The following MICAL3 variants were observed in gnomAD, a reference collection of about 807,000 sequenced individuals.
MICAL3 encodes microtubule associated monooxygenase, calponin and LIM domain containing 3, also known as [F-actin]-monooxygenase MICAL3.
Under a neutral mutation model 207.4 loss-of-function variants are expected in MICAL3, and 62 were observed. That is an observed-to-expected ratio of 0.30 (90% CI 0.24 to 0.37). The LOEUF (loss-of-function observed/expected upper bound fraction) is 0.37. Among genes scored for constraint, MICAL3 ranks in the 10% least tolerant of loss-of-function variants. The pLI is 1.00. For missense variants in MICAL3, 2,368 were observed against 2,635.6 expected, an observed-to-expected ratio of 0.90 and a Z score of 2.22; for synonymous variants, 1,077 against 1,069.3, an observed-to-expected ratio of 1.01 and a Z score of -0.14.
rs751736314 is a variant in MICAL3 at position 17,865,979 on chromosome 22, C to T, written c.2462G>A (p.Arg821Gln). 15 of 1,613,938 alleles carry T rather than the reference C, an allele frequency of 9.3e-6. No individual in the cohort carries two copies. The highest frequency in any genetic ancestry group is 2.2e-5 in the East Asian group (1 of 44,878). Residue 821 changes from arginine (R) to glutamine (Q), a missense_variant, in exon 18 of 32, where the codon CGA (arginine) becomes CAA (glutamine). This residue lies in a region of MICAL3 where 1,770 missense variants were observed against 1,863.2 expected (regional missense o/e 0.95). Coordinates refer to ENST00000441493, the MANE Select transcript of MICAL3 (RefSeq NM_015241.3). ...KFYCKPHYCY[R>Q]LSGYAQRKRP... Reference sequence around the variant, plus strand: ...CTTCCTTTGTGCGTAGCCAGAGAGTCGATAGCAGTAGTGTGGCTTACAGTA... The same window carrying T: ...CTTCCTTTGTGCGTAGCCAGAGAGTTGATAGCAGTAGTGTGGCTTACAGTA...
intron 1 of MICAL3, among the ~76,000 whole-genome samples, chr22:18,019,956 G>T (rs1288140578): frequency 1.3e-5 from 2 of 151,090 alleles, no homozygotes; most frequent in Non-Finnish European, 2.9e-5. Context: ...GGGACTACAG[G>T]TGCCCGCCAC....
intron 19 of MICAL3, among the ~76,000 whole-genome samples, chr22:17,846,913 G>A (rs1166088625): frequency 2.6e-5 from 4 of 152,196 alleles, no homozygotes; most frequent in South Asian, 2.1e-4. Context: ...GCTCTGGGCC[G>A]CACCTCAGGT....
chr22:17,827,934 T>TACACACACACACACACACAC (rs60820224), intron 21 of MICAL3, among the ~76,000 whole-genome samples, 153 bp from the exon 22 acceptor site: 3 of 150,810 alleles, frequency 2.0e-5, no homozygotes, highest in Admixed American at 6.6e-5. Flanking sequence ...TGCACATGTA[T>TACACACACACACACACACAC]ACACACACAC....
chr22:17,842,723 C>T (rs540067526), intron 19 of MICAL3, among the ~76,000 whole-genome samples: 11 of 152,348 alleles, frequency 7.2e-5, no homozygotes, highest in South Asian at 2.1e-4. Flanking sequence ...TCTGAAGCCA[C>T]GGGGTGCCCT....
chr22:17,899,540 A>C lies in MICAL3; in HGVS notation c.856T>G (p.Leu286Val), dbSNP rs995893554. 4 of 1,597,952 alleles carry C rather than the reference A, an allele frequency of 2.5e-6. No individual in the cohort carries two copies. Among genetic ancestry groups the C allele is most frequent in the Non-Finnish European group, 3.4e-6 (4 of 1,170,270 alleles). The change falls in exon 7 of 32, where the codon TTG becomes GTG. Residue 286 changes from leucine (L) to valine (V), a missense_variant. Leu to Val is a conservative substitution (Grantham distance 32, BLOSUM62 1). Coordinates refer to ENST00000441493, the MANE Select transcript of MICAL3 (RefSeq NM_015241.3). ...QELREATGIDLENIVYYKDDT... is the reference protein window; with the variant it reads ...QELREATGIDVENIVYYKDDT... Reference sequence around the variant, plus strand: ...TCTTTGTAGTAAACGATGTTCTCCAAGTCAATACCTGGGGCCAGAAGACAA... The same window carrying C: ...TCTTTGTAGTAAACGATGTTCTCCACGTCAATACCTGGGGCCAGAAGACAA...
rs1028114020 is a variant in MICAL3 at position 17,796,649 on chromosome 22, A to G, written c.5651-5348T>C. Among the ~76,000 whole-genome samples, 3 of 152,224 alleles carry G rather than the reference A, an allele frequency of 2.0e-5. No homozygotes were observed. Among genetic ancestry groups the G allele is most frequent in the African/African-American group, 7.2e-5 (3 of 41,460 alleles). ...GCAGCTCAAGGAAGAGCAGTCCCAC[A>G]GACCCTGATCAGAATGTCACACCTG... On this transcript the variant is annotated intron_variant, in intron 29 of 31. Transcript: ENST00000441493. This position sits in a 1 kb window ranked among gnomAD's most constrained non-coding sequence, Gnocchi z 4.4.
intron 1 of MICAL3, among the ~76,000 whole-genome samples, chr22:17,964,358 C>A (rs1935053563): frequency 6.6e-6 from 1 of 152,218 alleles, no homozygotes; most frequent in Non-Finnish European, 1.5e-5. Flanking sequence ...CGTCTCCCAG[C>A]CATGTACACA....
intron 16 of MICAL3, chr22:17,876,784 G>GGGAGCTTATGGAGGTTAGGGAGGTTAA (rs1928451938): frequency 1.8e-5 from 1 of 55,630 alleles, no homozygotes; most frequent in African/African-American, 6.5e-5. Flanking sequence ...ATGGAGGTTA[G>GGGAGCTTATGGAGGTTAGGGAGGTTAA]GGAGGTTAGG....
chr22:17,975,283 C>T (rs1935584590), intron 1 of MICAL3, among the ~76,000 whole-genome samples: 2 of 152,050 alleles, frequency 1.3e-5, no homozygotes, highest in African/African-American at 4.8e-5. Context: ...CAGGACCACG[C>T]TTCAGTTCAA....
chr22:17,839,274 T>C (rs892631302), intron 20 of MICAL3, among the ~76,000 whole-genome samples: 2 of 140,316 alleles, frequency 1.4e-5, no homozygotes, highest in Non-Finnish European at 3.0e-5. Flanking sequence ...TTTTTTTTTT[T>C]TGAGACGAAG....
rs768472200 is a variant in MICAL3 at position 17,791,066 on chromosome 22, C to T, written c.5756G>A (p.Arg1919Gln). Reference protein sequence around the residue: ...RYESELMIFARELELEDRQSR... With the variant: ...RYESELMIFAQELELEDRQSR... The stretch of plus-strand genomic sequence containing the variant: ...CTGCCGGTCTTCCAGCTCCAGCTCC[C>T]GGGCACTGAGGAGGCAGGGCAGGAG... Residue 1919 changes from arginine to glutamine, a missense_variant, in exon 31 of 32, where the codon CGG becomes CAG. By Grantham distance (43) the Arg-to-Gln change is conservative. This residue lies in a region of MICAL3 where 1,770 missense variants were observed against 1,863.2 expected (regional missense o/e 0.95). Coordinates refer to ENST00000441493, the MANE Select transcript of MICAL3 (RefSeq NM_015241.3). 1.1e-5 allele frequency: 17 copies of T among 1,611,248 alleles called. No individual in the cohort carries two copies. Among genetic ancestry groups the T allele is most frequent in the East Asian group, 2.2e-5 (1 of 44,846 alleles).
In MICAL3 at chr22:17,862,660, G is replaced by C. The variant is rs1002523468; in HGVS notation, c.2605+2239C>G. 6.1e-6 allele frequency: 6 copies of C among 985,144 alleles called. No individual in the cohort carries two copies. In the African/African-American group the frequency reaches 1.0e-4, roughly 17 times the overall value. 61.0% of individuals were successfully genotyped at this position (985,144 alleles called of 1,614,324 possible). ...AGGAAATCTCTATCAAAGGAGAAAA[G>C]GGTATCTATTTCATGCCAGCCATAA... On this transcript the variant is annotated intron_variant, in intron 19 of 31. Coordinates refer to ENST00000441493, the MANE Select transcript of MICAL3 (RefSeq NM_015241.3).
At chr22:17,913,798 A>AGT (rs1387796987) in intron 1 of MICAL3, among the ~76,000 whole-genome samples, 3 of 152,206 alleles carry the variant, frequency 2.0e-5, no homozygotes, top group Non-Finnish European at 2.9e-5. Flanking sequence ...GTAAGTCAGA[A>AGT]GTGACCTGAC....
chr22:17,885,161 A>G (rs1001070645), intron 16 of MICAL3, among the ~76,000 whole-genome samples: 1 of 152,240 alleles, frequency 6.6e-6, no homozygotes, highest in African/African-American at 2.4e-5. Context: ...ATGCACTCGC[A>G]TGCATGGCAT....
intron 6 of MICAL3, among the ~76,000 whole-genome samples, chr22:17,899,763 C>G (rs1931166131): frequency 6.6e-6 from 1 of 152,000 alleles, no homozygotes; most frequent in African/African-American, 2.4e-5. Flanking sequence ...CCAAACAATC[C>G]TAAAAACTAT....
At position 17,841,569 on chromosome 22, in the gene MICAL3, A is replaced by C; in HGVS notation, c.2801+253T>G. The stretch of plus-strand genomic sequence containing the variant: ...GCCTGCCACTTTCCTTCCCAATGAC[A>C]GACTTGGAGCTGGGGACATGTCAGG... On this transcript the variant is annotated intron_variant, in intron 20 of 31. Coordinates refer to ENST00000441493, the MANE Select transcript of MICAL3 (RefSeq NM_015241.3). The surrounding 1 kb of genome is among the most constrained non-coding windows in gnomAD (Gnocchi z 4.2). 1.8e-6 allele frequency: 1 copy of C among 567,028 alleles called. No homozygotes were observed. The highest frequency in any genetic ancestry group is 3.2e-6 in the Non-Finnish European group (1 of 317,410). The allele number at this position is 567,028 out of a possible 1,614,324, so 35.1% of individuals were successfully genotyped here. A position where few individuals can be genotyped will look rare whatever the true frequency, so the allele number is the denominator to read the frequency against.
chr22:17,928,513 C>G (rs1933045913), intron 1 of MICAL3, among the ~76,000 whole-genome samples: 1 of 151,974 alleles, frequency 6.6e-6, no homozygotes, highest in African/African-American at 2.4e-5. Context: ...TGAGATATAT[C>G]TAGTGTGGTG....
chr22:17,930,696 GGT>G (rs1390806789), intron 1 of MICAL3, among the ~76,000 whole-genome samples: 3 of 152,224 alleles, frequency 2.0e-5, no homozygotes, highest in South Asian at 4.1e-4. Context: ...GTGTCAACTT[GGT>G]TAAGCTGGGA....
At chr22:18,007,211 A>G (rs1923445945) in intron 1 of MICAL3, 1 of 152,204 alleles carries the variant, frequency 6.6e-6, no homozygotes, top group Non-Finnish European at 1.5e-5. Flanking sequence ...TTTTAAATAA[A>G]GTACAAAAAA....
Sources: gnomAD v4.1 joint callset for allele counts (sites outside exome capture counted in the v4.1 genomes callset) on GRCh38, gnomAD v4.1.1 for gene constraint, gnomAD v4.1.1 regional missense constraint, Gnocchi (gnomAD v3.1) non-coding constraint, MANE v1.5 for transcripts, NCBI Gene and HGNC (gene_info 2026-07-23, HGNC 2026-07-21) for gene names.